RBPJ: variants seen among roughly 807,000 people sequenced by gnomAD.
RBPJ encodes the protein recombination signal binding protein for immunoglobulin kappa J region.
In RBPJ, 9 loss-of-function variants were observed where a neutral mutation model predicts 67.8. The ratio of observed to expected loss-of-function variants is 0.13; its 90% CI spans 0.08 to 0.23. The LOEUF is 0.23. Ranked by LOEUF, RBPJ falls within the 10% of genes least tolerant of loss-of-function variation. The pLI is 1.00. For synonymous variants in RBPJ, 198 were observed against 203.3 expected, an observed-to-expected ratio of 0.97 and a Z score of 0.22; for missense variants, 305 against 595.6, an observed-to-expected ratio of 0.51 and a Z score of 5.08.
intron 1 of RBPJ, among the ~76,000 whole-genome samples, chr4:26,338,872 G>GGTGT (rs201627988): frequency 1.3e-5 from 2 of 150,090 alleles, no homozygotes; most frequent in African/African-American, 4.9e-5. Context: ...GGCAAAGTTG[G>GGTGT]GTGTGTGTGT....
chr4:26,190,907 A>G (rs1290038645), intron 1 of RBPJ, among the ~76,000 whole-genome samples: 1 of 151,808 alleles, frequency 6.6e-6, no homozygotes, highest in Non-Finnish European at 1.5e-5. Context: ...GCACTTTGGG[A>G]GGCTGAGGCA....
chr4:26,222,018 C>T (rs901872929), intron 1 of RBPJ, among the ~76,000 whole-genome samples: 1 of 152,022 alleles, frequency 6.6e-6, no homozygotes, highest in Non-Finnish European at 1.5e-5. Flanking sequence ...GAGACACCTC[C>T]GGTTTATGGG....
chr4:26,334,897 G>A (rs563312460), intron 1 of RBPJ, among the ~76,000 whole-genome samples: 2 of 152,160 alleles, frequency 1.3e-5, no homozygotes, highest in Non-Finnish European at 2.9e-5. Flanking sequence ...GTGATTTGCA[G>A]TTTTTGTCTT....
chr4:26,364,184 C>A (rs900098331), intron 1 of RBPJ, among the ~76,000 whole-genome samples: 1 of 152,154 alleles, frequency 6.6e-6, no homozygotes, highest in African/African-American at 2.4e-5. Context: ...GTCAGTTAGT[C>A]TACCTTAATG....
intron 1 of RBPJ, chr4:26,322,284 T>C (rs1338688767): frequency 1.1e-4 from 16 of 152,218 alleles, no homozygotes; most frequent in Admixed American, 8.5e-4. Context: ...CCACAATGGA[T>C]ATTCATTTGG....
At position 26,199,583 on chromosome 4, in the gene RBPJ, G is replaced by GA. The variant is rs562066648; in HGVS notation, c.-167+35970dup. On this transcript the variant is annotated intron_variant, in intron 1 of 4. Coordinates refer to the RBPJ transcript ENST00000512351. Reference sequence around the variant, plus strand: ...CTAGATTGAGCCTGGAGTGGCTGGGGAGGGGAGAGGAAGAAAATCCCTGGA... The same window carrying GA: ...CTAGATTGAGCCTGGAGTGGCTGGGGAAGGGGAGAGGAAGAAAATCCCTGGA... Among the ~76,000 whole-genome samples, 12 of 152,308 alleles carry GA rather than the reference G, an allele frequency of 7.9e-5. No homozygotes were observed. In the South Asian group the frequency reaches 2.5e-3, roughly 32 times the overall value.
intron 1 of RBPJ, among the ~76,000 whole-genome samples, chr4:26,359,179 T>G (rs1201246315): frequency 6.6e-6 from 1 of 152,216 alleles, no homozygotes; most frequent in Non-Finnish European, 1.5e-5. Flanking sequence ...AAATGTATTT[T>G]AAAATTTCTG....
intron 1 of RBPJ, among the ~76,000 whole-genome samples, chr4:26,278,707 A>G (rs1339846879): frequency 6.6e-6 from 1 of 152,234 alleles, no homozygotes; most frequent in Non-Finnish European, 1.5e-5. Flanking sequence ...ATAACACTCA[A>G]AAATCTCTTT....
At chr4:26,277,422 C>T (rs969988783) in intron 1 of RBPJ, among the ~76,000 whole-genome samples, 5 of 152,216 alleles carry the variant, frequency 3.3e-5, no homozygotes, top group African/African-American at 1.2e-4. Context: ...TGGCTCCTCA[C>T]CCCCACCAGA....
At chr4:26,269,266 A>T (rs553010461) in intron 1 of RBPJ, among the ~76,000 whole-genome samples, 36 of 147,108 alleles carry the variant, frequency 2.4e-4, no homozygotes, top group East Asian at 1.6e-3. Flanking sequence ...TTATTTATTT[A>T]TTTTTTTGAC....
the RBPJ span, among the ~76,000 whole-genome samples, chr4:26,109,515 CACACACACATATATATATAT>C: frequency 2.3e-4 from 23 of 99,140 alleles, no homozygotes; most frequent in Non-Finnish European, 3.8e-4. Flanking sequence ...TATATATATA[CACACACACATATATATATAT>C]AGCCACTGTG....
chr4:26,129,999 G>C, the RBPJ span, among the ~76,000 whole-genome samples: 5 of 151,914 alleles, frequency 3.3e-5, no homozygotes, highest in Non-Finnish European at 1.5e-5. Context: ...GTAGCTGGGA[G>C]TACAGGCGTG....
chr4:26,364,990 A>G (rs1441430721), intron 1 of RBPJ, among the ~76,000 whole-genome samples: 3 of 151,826 alleles, frequency 2.0e-5, no homozygotes. Context: ...TTCAAATCTA[A>G]TCCTTCCCTT....
rs60159669 is a variant in RBPJ at position 26,289,384 on chromosome 4, CAAAAAAA to C, written c.-166-73045_-166-73039del. The stretch of plus-strand genomic sequence containing the variant: ...TCAGCGACAGAGTGAGACTTGGTCT[CAAAAAAA>C]AAAAAAAAAAAAAAAAGAAAAAGAA... On this transcript the variant is annotated intron_variant, in intron 1 of 4. Transcript: ENST00000512351. Among the ~76,000 whole-genome samples, 11 of 78,310 alleles carry C rather than the reference CAAAAAAA, an allele frequency of 1.4e-4. 1 individual carries two copies. The highest frequency in any genetic ancestry group is 8.8e-4 in the South Asian group (2 of 2,264). The allele number at this position is 78,310 out of a possible 152,430, so 51.4% of individuals were successfully genotyped here. A position where few individuals can be genotyped will look rare whatever the true frequency, so the allele number is the denominator to read the frequency against.
intron 1 of RBPJ, among the ~76,000 whole-genome samples, chr4:26,301,452 C>A (rs1577404845): frequency 6.6e-6 from 1 of 151,736 alleles, no homozygotes; most frequent in African/African-American, 2.4e-5. Context: ...ATTAGCCGGG[C>A]GTGGTGGCGG....
rs1560245446 is a variant in RBPJ, at chr4:26,287,630, GGAGGGGAGGA to G, written c.-166-74814_-166-74805del. ...GGAGGGGAGGGGAGGGGAGGGGAGGGGAGGGGAGGAGCAGAGAAGAGAAGAAAAGAGAAGA... is the reference window on the plus strand; with the variant it reads ...GGAGGGGAGGGGAGGGGAGGGGAGGGGCAGAGAAGAGAAGAAAAGAGAAGA... On this transcript the variant is annotated intron_variant, in intron 1 of 4. Coordinates refer to the RBPJ transcript ENST00000512351. Among the ~76,000 whole-genome samples, 84 of 38,082 alleles carry G rather than the reference GGAGGGGAGGA, an allele frequency of 2.2e-3. 6 individuals carry two copies. The highest frequency in any genetic ancestry group is 7.8e-3 in the African/African-American group (66 of 8,484). The allele number at this position is 38,082 out of a possible 152,430, so 25.0% of individuals were successfully genotyped here.
the RBPJ span, among the ~76,000 whole-genome samples, chr4:26,149,182 T>A: frequency 3.3e-5 from 5 of 152,202 alleles, no homozygotes; most frequent in Non-Finnish European, 7.4e-5. Context: ...ATACATGACA[T>A]TGTTGAGGGC....
intron 2 of RBPJ, among the ~76,000 whole-genome samples, chr4:26,390,286 A>G (rs1731370128): frequency 2.0e-5 from 3 of 152,224 alleles, no homozygotes; most frequent in Admixed American, 2.0e-4. Flanking sequence ...AAAAAACTAC[A>G]TTTAACAACA....
chr4:26,315,144 CAAAAAAAAAAA>C (rs60940172), upstream of RBPJ, among the ~76,000 whole-genome samples: 1 of 10,356 alleles, frequency 9.7e-5, no homozygotes, highest in African/African-American at 3.6e-4. Context: ...GTCTCTGTCT[CAAAAAAAAAAA>C]AAAAAAAAAA....
Sources: allele counts gnomAD v4.1 joint callset (sites outside exome capture counted in the v4.1 genomes callset), GRCh38; gene constraint gnomAD v4.1.1; transcripts MANE v1.5; gene names NCBI Gene and HGNC (gene_info 2026-07-23, HGNC 2026-07-21).